Variants in SGMS2 observed in about 807,000 individuals in gnomAD.
The protein encoded by SGMS2 is sphingomyelin synthase 2, also known as phosphatidylcholine:ceramide cholinephosphotransferase 2.
SGMS2 carries 21 observed loss-of-function variants against 43.8 expected under a neutral mutation model. The ratio of observed to expected loss-of-function variants is 0.48; its 90% CI spans 0.34 to 0.69. SGMS2 has a LOEUF of 0.69. SGMS2 is among the 30% of genes least tolerant of loss of function. SGMS2 has a pLI of 0.01. For missense variants in SGMS2, 384 were observed against 443.2 expected, an observed-to-expected ratio of 0.87 and a Z score of 1.20; for synonymous variants, 167 against 160.6, an observed-to-expected ratio of 1.04 and a Z score of -0.30.
rs569933297 is a variant in SGMS2 at position 107,909,207 on chromosome 4, G to C, written c.894+476G>C. Among the ~76,000 whole-genome samples the C allele has an allele frequency of 7.3e-5, 11 of 151,696 alleles. 1 individual carries two copies. Among genetic ancestry groups the C allele is most frequent in the African/African-American group, 2.7e-4 (11 of 41,326 alleles). On this transcript the variant is annotated intron_variant, in intron 6 of 6. Coordinates refer to ENST00000690982, the MANE Select transcript of SGMS2 (RefSeq NM_001375905.1). ...TGCAACCTCCACCTTCCAAGTTCAA[G>C]CGATTCTTGTGCCTCAGCCTCCCAA...
At chr4:107,899,761 T>C (rs1578649144) in intron 4 of SGMS2, 69 bp downstream of exon 4, 1 of 1,026,306 alleles carries the variant, frequency 9.7e-7, no homozygotes, top group East Asian at 2.5e-5. Flanking sequence ...CCCTGTATTA[T>C]ACATTCTTCT....
chr4:107,854,748 A>G (rs1727323993), intron 1 of SGMS2, among the ~76,000 whole-genome samples: 1 of 152,186 alleles, frequency 6.6e-6, no homozygotes, highest in Admixed American at 6.5e-5. Context: ...TTTGTATCAC[A>G]TTGCCTTGTC....
intron 3 of SGMS2, among the ~76,000 whole-genome samples, chr4:107,897,648 C>T (rs1243571971): frequency 6.6e-6 from 1 of 152,176 alleles, no homozygotes; most frequent in Non-Finnish European, 1.5e-5. Context: ...CCTCTACCTA[C>T]CACCTTAGAT....
At chr4:107,904,996 T>G (rs1194389145) in intron 5 of SGMS2, among the ~76,000 whole-genome samples, 7 of 152,120 alleles carry the variant, frequency 4.6e-5, no homozygotes, top group Admixed American at 2.6e-4. Flanking sequence ...GAGGTGCATT[T>G]CAGAGTGAAG....
At chr4:107,845,151 T>C (rs534669966) in intron 1 of SGMS2, among the ~76,000 whole-genome samples, 14 of 152,306 alleles carry the variant, frequency 9.2e-5, no homozygotes, top group Admixed American at 2.6e-4. Context: ...CAGAAAGTTA[T>C]AGAACTCCCT....
chr4:107,863,734 T>A (rs1233170366), intron 2 of SGMS2: 1 of 152,066 alleles, frequency 6.6e-6, no homozygotes. Flanking sequence ...TTCTGTTATA[T>A]CCCCCTTTTT....
In SGMS2 at chr4:107,914,160, C is replaced by T. The variant is rs4607296; in HGVS notation, c.*3607C>T. ...TTTGACTCAGTTGCTGAAAATATTT[C>T]TTCTATTAAGAAGTGCTCTTGACTT... is the stretch of plus-strand genomic sequence containing the variant. On this transcript the variant is annotated 3_prime_UTR_variant, in exon 7 of 7. Transcript: ENST00000690982. 6.6e-6 allele frequency: 1 copy of T among 151,934 alleles called. No individual in the cohort carries two copies. The highest frequency in any genetic ancestry group is 1.9e-4 in the East Asian group (1 of 5,196). The allele number at this position is 151,934 out of a possible 1,614,324, so 9.4% of individuals were successfully genotyped here. A position where few individuals can be genotyped will look rare whatever the true frequency, so the allele number is the denominator to read the frequency against.
intron 1 of SGMS2, among the ~76,000 whole-genome samples, chr4:107,839,780 G>T (rs988317392): frequency 6.6e-6 from 1 of 152,100 alleles, no homozygotes; most frequent in South Asian, 2.1e-4. Flanking sequence ...TTCTTGAAAT[G>T]ATCTTTTAAA....
At chr4:107,878,062 C>T (rs575282441) in intron 2 of SGMS2, among the ~76,000 whole-genome samples, 18 of 151,796 alleles carry the variant, frequency 1.2e-4, no homozygotes, top group African/African-American at 2.4e-4. Context: ...ACTACAGGTG[C>T]GCACCACCAT....
chr4:107,871,306 A>G (rs949323702), intron 2 of SGMS2, among the ~76,000 whole-genome samples: 3 of 152,224 alleles, frequency 2.0e-5, no homozygotes, highest in Non-Finnish European at 4.4e-5. Flanking sequence ...ATATATAACC[A>G]GTCTTTTTCC....
At chr4:107,871,225 T>C (rs562502236) in intron 2 of SGMS2, among the ~76,000 whole-genome samples, 2 of 152,316 alleles carry the variant, frequency 1.3e-5, no homozygotes, top group South Asian at 4.1e-4. Context: ...AGAGACTATT[T>C]TACTTATTTC....
chr4:107,839,068 T>A (rs1003829678), intron 1 of SGMS2, among the ~76,000 whole-genome samples: 1 of 152,212 alleles, frequency 6.6e-6, no homozygotes, highest in African/African-American at 2.4e-5. Flanking sequence ...ATTTGTACCC[T>A]GTACTTTTTT....
At chr4:107,901,941 T>C (rs2126138526) in intron 4 of SGMS2, among the ~76,000 whole-genome samples, 1 of 151,854 alleles carries the variant, frequency 6.6e-6, no homozygotes, top group Non-Finnish European at 1.5e-5. Context: ...AGTTTTGCTC[T>C]TATTGCCCAG....
intron 1 of SGMS2, among the ~76,000 whole-genome samples, chr4:107,840,959 T>G (rs377537805): frequency 5.9e-5 from 9 of 152,148 alleles, no homozygotes; most frequent in African/African-American, 2.2e-4. Flanking sequence ...CCAGGCTGAG[T>G]GTACTATTGT....
At chr4:107,850,341 A>G (rs1408397067) in intron 1 of SGMS2, among the ~76,000 whole-genome samples, 3 of 152,218 alleles carry the variant, frequency 2.0e-5, no homozygotes, top group African/African-American at 4.8e-5. Flanking sequence ...GTCTAAGACA[A>G]TGTGGTTACA....
At chr4:107,845,869 T>C (rs1201091410) in intron 1 of SGMS2, among the ~76,000 whole-genome samples, 1 of 152,168 alleles carries the variant, frequency 6.6e-6, no homozygotes, top group African/African-American at 2.4e-5. Flanking sequence ...AATATGTATG[T>C]TGAATAGGAA....
intron 1 of SGMS2, among the ~76,000 whole-genome samples, chr4:107,828,187 A>T (rs139918019): frequency 9.3e-4 from 142 of 152,234 alleles, no homozygotes; most frequent in Middle Eastern, 3.4e-3. Context: ...ATCATTTAAC[A>T]TTTCTATCTG....
rs536122405 is a variant in SGMS2 at position 107,862,047 on chromosome 4, A to T, written c.-245+3494A>T. On this transcript the variant is annotated intron_variant, in intron 2 of 6. Coordinates refer to ENST00000690982, the MANE Select transcript of SGMS2 (RefSeq NM_001375905.1). Reference sequence around the variant, plus strand: ...CTCTGACAAGAAGAGCAAAAACGAAAGAAACAACAACAGAAATCCCAGTAT... The same window carrying T: ...CTCTGACAAGAAGAGCAAAAACGAATGAAACAACAACAGAAATCCCAGTAT... Among the ~76,000 whole-genome samples the T allele has an allele frequency of 2.0e-5, 3 of 152,358 alleles. No individual in the cohort carries two copies. The East Asian group carries it at 5.8e-4, about 29-fold the overall frequency.
rs547138004 is a variant in SGMS2, at chr4:107,912,836, A to G, written c.*2283A>G. ...AAAAACACCTGTGATGCCAATGTGG[A>G]CATTGCCGCTGCCATGTCTTTACAC... is the stretch of plus-strand genomic sequence containing the variant. On this transcript the variant is annotated 3_prime_UTR_variant, in exon 7 of 7. Transcript: ENST00000690982. The G allele has an allele frequency of 1.1e-4, 16 of 152,274 alleles. No homozygotes were observed. Among genetic ancestry groups the G allele is most frequent in the African/African-American group, 3.8e-4 (16 of 41,560 alleles). The allele number at this position is 152,274 out of a possible 1,614,324, so 9.4% of individuals were successfully genotyped here.
Sources: gnomAD v4.1 joint callset for allele counts (sites outside exome capture counted in the v4.1 genomes callset) on GRCh38, gnomAD v4.1.1 for gene constraint, MANE v1.5 for transcripts, NCBI Gene and HGNC (gene_info 2026-07-23, HGNC 2026-07-21) for gene names.